MXD1: variants seen among roughly 807,000 people sequenced by gnomAD.
MXD1 encodes MAX dimerization protein 1.
In MXD1, 9 loss-of-function variants were observed where a neutral mutation model predicts 25.7. That is an observed-to-expected ratio of 0.35 (90% CI 0.21 to 0.61). The LOEUF (loss-of-function observed/expected upper bound fraction) is 0.61, where lower values mean the gene tolerates loss of function less well. MXD1 is among the 20% of genes least tolerant of loss of function. The probability of loss-of-function intolerance (pLI) is 0.75; values close to 1 mark genes in which losing one functional copy is unlikely to be tolerated. For synonymous variants in MXD1, 99 were observed against 113.9 expected, an observed-to-expected ratio of 0.87 and a Z score of 0.83; for missense variants, 227 against 292.4, an observed-to-expected ratio of 0.78 and a Z score of 1.63.
chr2:69,920,710 T>G (rs1416481109), intron 2 of MXD1, among the ~76,000 whole-genome samples: 1 of 152,242 alleles, frequency 6.6e-6, no homozygotes, highest in African/African-American at 2.4e-5. Flanking sequence ...CTGAGCTGGT[T>G]AAATTCTAGA....
At chr2:69,918,113 G>T (rs111807691) in intron 2 of MXD1, among the ~76,000 whole-genome samples, 4,601 of 152,298 alleles carry the variant, frequency 0.03, 444 homozygotes, top group Admixed American at 0.2. Flanking sequence ...AATGGAGAAA[G>T]CAGCTTGACC....
chr2:69,936,045 C>A (rs1262455012), intron 4 of MXD1, among the ~76,000 whole-genome samples: 1 of 152,050 alleles, frequency 6.6e-6, no homozygotes, highest in East Asian at 1.9e-4. Context: ...TTCTTCCAGT[C>A]CCTGGCACTG....
At chr2:69,930,185 A>T (rs1677253019) in intron 3 of MXD1, among the ~76,000 whole-genome samples, 2 of 152,152 alleles carry the variant, frequency 1.3e-5, no homozygotes, top group Non-Finnish European at 1.5e-5. Context: ...ACAAAGTTTT[A>T]TAGTTTTCTT....
rs956907139 is a variant in MXD1, at chr2:69,939,478, A to G, written c.*1194A>G. 6.5e-6 allele frequency: 1 copy of G among 152,674 alleles called. No individual in the cohort carries two copies. Among genetic ancestry groups the G allele is most frequent in the Non-Finnish European group, 1.5e-5 (1 of 68,042 alleles). 9.5% of individuals were successfully genotyped at this position (152,674 alleles called of 1,614,324 possible). On this transcript the variant is annotated 3_prime_UTR_variant, in exon 6 of 6. Coordinates refer to ENST00000264444, the MANE Select transcript of MXD1 (RefSeq NM_002357.4). Reference sequence around the variant, plus strand: ...ATTTTTATTTAAGCTAAAACAGAGCACATGTATATGTACATAAGACACATT... The same window carrying G: ...ATTTTTATTTAAGCTAAAACAGAGCGCATGTATATGTACATAAGACACATT...
chr2:69,918,302 T>C (rs1676997525), intron 2 of MXD1, among the ~76,000 whole-genome samples: 1 of 152,214 alleles, frequency 6.6e-6, no homozygotes, highest in African/African-American at 2.4e-5. Flanking sequence ...TACTTTTCCT[T>C]GGACAATAAA....
intron 4 of MXD1, among the ~76,000 whole-genome samples, chr2:69,936,038 T>C (rs115999468): frequency 2.5e-3 from 384 of 152,172 alleles, no homozygotes; most frequent in African/African-American, 8.4e-3. Context: ...CCAGCCCTTC[T>C]TCCAGTCCCT....
intron 2 of MXD1, among the ~76,000 whole-genome samples, chr2:69,919,936 A>C (rs970869097): frequency 1.3e-5 from 2 of 152,058 alleles, no homozygotes; most frequent in East Asian, 3.9e-4. Flanking sequence ...TCAGCCTCCC[A>C]AAGTGCTGAG....
rs1677542586 is a variant in MXD1, at chr2:69,939,316, T to C, written c.*1032T>C. 1 of 152,668 alleles carries C rather than the reference T, an allele frequency of 6.6e-6. No individual in the cohort carries two copies. The highest frequency in any genetic ancestry group is 1.5e-5 in the Non-Finnish European group (1 of 68,036). 9.5% of individuals were successfully genotyped at this position (152,668 alleles called of 1,614,324 possible). A position where few individuals can be genotyped will look rare whatever the true frequency, so the allele number is the denominator to read the frequency against. Reference sequence around the variant, plus strand: ...ACAGGAGAGGATGGTACACTGTTACTAGAACTCCTCTCCTTATTGATTATT... The same window carrying C: ...ACAGGAGAGGATGGTACACTGTTACCAGAACTCCTCTCCTTATTGATTATT... On this transcript the variant is annotated 3_prime_UTR_variant, in exon 6 of 6. Transcript: ENST00000264444.
chr2:69,937,994 G>T (rs544747663), intron 5 of MXD1, 103 bp from the exon 6 acceptor site: 2 of 1,073,628 alleles, frequency 1.9e-6, no homozygotes, highest in African/African-American at 1.6e-5. Context: ...TGATCCACCC[G>T]CCTTTGCCTC....
At chr2:69,916,605 A>T (rs1225060131) in intron 2 of MXD1, among the ~76,000 whole-genome samples, 1 of 152,142 alleles carries the variant, frequency 6.6e-6, no homozygotes, top group African/African-American at 2.4e-5. Flanking sequence ...CATTTCTTTT[A>T]CTTTTCATAG....
intron 3 of MXD1, among the ~76,000 whole-genome samples, chr2:69,931,241 C>T (rs527669410): frequency 1.1e-3 from 170 of 152,186 alleles, no homozygotes; most frequent in Non-Finnish European, 2.1e-3. Context: ...TATAGTTACC[C>T]TGTTGTGCTA....
At chr2:69,916,801 A>G (rs1336535418) in intron 2 of MXD1, among the ~76,000 whole-genome samples, 1 of 152,250 alleles carries the variant, frequency 6.6e-6, no homozygotes, top group East Asian at 1.9e-4. Context: ...TATAATACCA[A>G]AATATTAATA....
In MXD1 at chr2:69,939,667, G is replaced by A. The variant is rs368222212; in HGVS notation, c.*1383G>A. 1.3e-4 allele frequency: 20 copies of A among 152,734 alleles called. No homozygotes were observed. The highest frequency in any genetic ancestry group is 4.8e-4 in the African/African-American group (20 of 41,564). The allele number at this position is 152,734 out of a possible 1,614,324, so 9.5% of individuals were successfully genotyped here. On this transcript the variant is annotated 3_prime_UTR_variant, in exon 6 of 6. Transcript: ENST00000264444. The stretch of plus-strand genomic sequence containing the variant: ...TTTGCATTCATATTTTTGAGGTCTT[G>A]ATGTTTTCAGCCTCTGGCGAATCTT...
At chr2:69,921,326 C>T (rs1375845293) in intron 2 of MXD1, among the ~76,000 whole-genome samples, 1 of 152,164 alleles carries the variant, frequency 6.6e-6, no homozygotes, top group Non-Finnish European at 1.5e-5. Context: ...TTGGTGTATG[C>T]TACCCCTAGG....
chr2:69,918,428 T>C (rs1677000216), intron 2 of MXD1, among the ~76,000 whole-genome samples: 1 of 152,250 alleles, frequency 6.6e-6, no homozygotes, highest in African/African-American at 2.4e-5. Context: ...TGAATATCAA[T>C]TGTTTTTGAA....
In MXD1 at chr2:69,937,306, G is replaced by A; in HGVS notation, c.390G>A (p.Lys130=). Residue 130 remains lysine, a synonymous_variant, in exon 5 of 6, where the codon AAG becomes AAA. Transcript: ENST00000264444. ...TTCAGCGAGAGCAGCGACACCTGAA[G>A]AGGCAGCTGGAGAAGCTGGGCATTG... ...DQLQREQRHL[K]RQLEKLGIER... The A allele has an allele frequency of 1.2e-6, 2 of 1,614,226 alleles. No individual in the cohort carries two copies. Among genetic ancestry groups the A allele is most frequent in the East Asian group, 2.2e-5 (1 of 44,888 alleles).
At position 69,915,367 on chromosome 2, in the gene MXD1, C is replaced by A; in HGVS notation, c.37C>A (p.Leu13Met). The A allele has an allele frequency of 1.6e-6, 2 of 1,288,640 alleles. No individual in the cohort carries two copies. Among genetic ancestry groups the A allele is most frequent in the Non-Finnish European group, 9.9e-7 (1 of 1,008,726 alleles). The allele number at this position is 1,288,640 out of a possible 1,614,324, so 79.8% of individuals were successfully genotyped here. ...GGTTCGGATGAACATCCAGATGCTG[C>A]TGGAGGCGGCCGACTATCTGGAGCG... ...AAVRMNIQMLLEAADYLERRE... is the reference protein window; with the variant it reads ...AAVRMNIQMLMEAADYLERRE... Residue 13 changes from leucine (L) to methionine (M), a missense_variant, in exon 1 of 6, where the codon CTG (leucine) becomes ATG (methionine). Physicochemically the swap from Leu to Met is conservative, Grantham distance 15 (BLOSUM62 2). Coordinates refer to ENST00000264444, the MANE Select transcript of MXD1 (RefSeq NM_002357.4). The surrounding 1 kb of genome is among the most constrained non-coding windows in gnomAD (Gnocchi z 5.8).
At position 69,915,486 on chromosome 2, in the gene MXD1, T is replaced by A; in HGVS notation, c.73+83T>A. ...GCCTCAGGTCCGGGCGCCCAGCCGC[T>A]CCGGGGGTGGTTGGAGGCGGGGAGA... On this transcript the variant is annotated intron_variant, in intron 1 of 5. Coordinates refer to ENST00000264444, the MANE Select transcript of MXD1 (RefSeq NM_002357.4). This position sits in a 1 kb window ranked among gnomAD's most constrained non-coding sequence, Gnocchi z 5.8. 1.7e-6 allele frequency: 2 copies of A among 1,145,466 alleles called. No individual in the cohort carries two copies. Among genetic ancestry groups the A allele is most frequent in the Non-Finnish European group, 2.2e-6 (2 of 893,670 alleles). The allele number at this position is 1,145,466 out of a possible 1,614,324, so 71.0% of individuals were successfully genotyped here.
chr2:69,916,604 TA>T (rs895490826), intron 2 of MXD1, among the ~76,000 whole-genome samples: 11 of 152,348 alleles, frequency 7.2e-5, no homozygotes, highest in African/African-American at 2.6e-4. Context: ...CCATTTCTTT[TA>T]CTTTTCATAG....
Sources: allele counts gnomAD v4.1 joint callset (sites outside exome capture counted in the v4.1 genomes callset), GRCh38; gene constraint gnomAD v4.1.1; non-coding constraint Gnocchi (gnomAD v3.1); transcripts MANE v1.5; gene names NCBI Gene and HGNC (gene_info 2026-07-23, HGNC 2026-07-21).